The following CREB5 variants were observed in gnomAD, a reference collection of about 807,000 sequenced individuals.
The protein encoded by CREB5 is cyclic AMP-responsive element-binding protein 5.
Under a neutral mutation model 57.1 loss-of-function variants are expected in CREB5, and 19 were observed. That is an observed-to-expected ratio of 0.33 (90% CI 0.23 to 0.49). CREB5 has a LOEUF of 0.49. Ranked by LOEUF, CREB5 falls within the 20% of genes least tolerant of loss-of-function variation. The pLI, the probability that CREB5 is intolerant of heterozygous loss-of-function variation, is 0.99. For missense variants in CREB5, 579 were observed against 671.6 expected, an observed-to-expected ratio of 0.86 and a Z score of 1.52; for synonymous variants, 238 against 238.3, an observed-to-expected ratio of 1.00 and a Z score of 0.01.
chr7:28,498,443 A>G (rs1792141296), intron 3 of CREB5, among the ~76,000 whole-genome samples: 1 of 152,200 alleles, frequency 6.6e-6, no homozygotes, highest in Non-Finnish European at 1.5e-5. Context: ...TTTATCCTTA[A>G]TTAGTTGTAA....
chr7:28,791,830 G>A (rs1583754685), intron 7 of CREB5, among the ~76,000 whole-genome samples: 2 of 152,296 alleles, frequency 1.3e-5, no homozygotes, highest in East Asian at 1.9e-4. Context: ...GTACTCAGTT[G>A]TGACAATGTG....
intron 7 of CREB5, chr7:28,724,619 A>G: frequency 3.5e-6 from 1 of 282,614 alleles, no homozygotes; most frequent in Non-Finnish European, 6.7e-6. Context: ...AAGCGTGTAT[A>G]TATTTGCTCA....
At chr7:28,724,613 G>A (rs1021566235) in intron 7 of CREB5, 30 of 319,038 alleles carry the variant, frequency 9.4e-5, no homozygotes, top group African/African-American at 5.1e-4. Context: ...ATACCCAAGC[G>A]TGTATATATT....
intron 1 of CREB5, among the ~76,000 whole-genome samples, chr7:28,362,876 G>A (rs1453086637): frequency 1.3e-5 from 2 of 152,204 alleles, no homozygotes; most frequent in Admixed American, 6.5e-5. Flanking sequence ...TCTGGAAAGT[G>A]GGAATGATAA....
At chr7:28,362,327 T>G (rs561098185) in intron 1 of CREB5, among the ~76,000 whole-genome samples, 1 of 152,358 alleles carries the variant, frequency 6.6e-6, no homozygotes, top group African/African-American at 2.4e-5. Context: ...AGGTTGTTTC[T>G]CTGGACCTGA....
intron 1 of CREB5, among the ~76,000 whole-genome samples, chr7:28,435,119 T>C: frequency 1.5e-5 from 2 of 130,990 alleles, no homozygotes; most frequent in African/African-American, 5.7e-5. Flanking sequence ...CCTCCCTCAC[T>C]CAACCTATAA....
chr7:28,534,374 C>G (rs932511174), intron 4 of CREB5, among the ~76,000 whole-genome samples: 1 of 152,240 alleles, frequency 6.6e-6, no homozygotes. Flanking sequence ...CCCGCGAGCC[C>G]TCTCCAGCTC....
At chr7:28,375,379 T>C (rs542564936) in intron 1 of CREB5, among the ~76,000 whole-genome samples, 6 of 151,534 alleles carry the variant, frequency 4.0e-5, no homozygotes, top group African/African-American at 1.5e-4. Flanking sequence ...GTAGTGGGGG[T>C]TGGGGGCAGG....
chr7:28,517,000 C>G (rs1164795911), intron 4 of CREB5, among the ~76,000 whole-genome samples: 1 of 152,178 alleles, frequency 6.6e-6, no homozygotes, highest in Non-Finnish European at 1.5e-5. Context: ...CCGCGAGGCC[C>G]TGCATTAATA....
At chr7:28,357,260 T>A in intron 1 of CREB5, among the ~76,000 whole-genome samples, 1 of 152,240 alleles carries the variant, frequency 6.6e-6, no homozygotes, top group African/African-American at 2.4e-5. Context: ...TAGATTCTTA[T>A]TTGAAAAGCA....
At chr7:28,765,249 G>A (rs1413175528) in intron 7 of CREB5, among the ~76,000 whole-genome samples, 2 of 152,206 alleles carry the variant, frequency 1.3e-5, no homozygotes, top group Non-Finnish European at 2.9e-5. Context: ...ATGGCTCACA[G>A]TCTGGTGTGG....
At chr7:28,778,724 T>C (rs1329584833) in intron 7 of CREB5, among the ~76,000 whole-genome samples, 1 of 152,190 alleles carries the variant, frequency 6.6e-6, no homozygotes, top group Admixed American at 6.5e-5. Flanking sequence ...CTATTATAAT[T>C]AATTAATAGG....
chr7:28,783,519 A>C (rs1490049198), intron 7 of CREB5, among the ~76,000 whole-genome samples: 1 of 152,210 alleles, frequency 6.6e-6, no homozygotes, highest in Non-Finnish European at 1.5e-5. Flanking sequence ...AACCAAATGC[A>C]TGCATTATAA....
intron 8 of CREB5, among the ~76,000 whole-genome samples, chr7:28,807,528 A>G (rs930877021): frequency 8.5e-5 from 13 of 152,208 alleles, no homozygotes; most frequent in African/African-American, 3.1e-4. Context: ...TGATTCTTTT[A>G]CAGTTAGTCA....
chr7:28,737,000 A>C (rs1398998835), intron 7 of CREB5, among the ~76,000 whole-genome samples: 1 of 152,034 alleles, frequency 6.6e-6, no homozygotes, highest in Non-Finnish European at 1.5e-5. Context: ...CAGGCTGATC[A>C]TCCTGTTCCC....
chr7:28,534,250 C>T (rs1053742435), intron 4 of CREB5, among the ~76,000 whole-genome samples: 1 of 152,228 alleles, frequency 6.6e-6, no homozygotes, highest in Non-Finnish European at 1.5e-5. Flanking sequence ...TCAGAGATTA[C>T]TCTGTGTGCT....
chr7:28,432,098 G>A (rs1282006201), intron 1 of CREB5, among the ~76,000 whole-genome samples: 1 of 151,824 alleles, frequency 6.6e-6, no homozygotes, highest in Non-Finnish European at 1.5e-5. Context: ...CCGTGTTTGG[G>A]CAAAGATAAA....
intron 5 of CREB5, among the ~76,000 whole-genome samples, chr7:28,680,768 C>CAAAAAAAA (rs539406574): frequency 7.5e-6 from 1 of 134,170 alleles, no homozygotes. Flanking sequence ...CAACCTATCT[C>CAAAAAAAA]AAAAAAAAAA....
At chr7:28,560,281 GAA>G (rs1795028815) in intron 4 of CREB5, among the ~76,000 whole-genome samples, 1 of 152,148 alleles carries the variant, frequency 6.6e-6, no homozygotes, top group African/African-American at 2.4e-5. Flanking sequence ...GTGAAAATTT[GAA>G]GTCACTAGTT....
Sources: gnomAD v4.1 joint callset for allele counts (sites outside exome capture counted in the v4.1 genomes callset) on GRCh38, gnomAD v4.1.1 for gene constraint, MANE v1.5 for transcripts, NCBI Gene and HGNC (gene_info 2026-07-23, HGNC 2026-07-21) for gene names.